The following COL17A1 variants were observed in gnomAD, a reference collection of about 807,000 sequenced individuals.
COL17A1 encodes collagen alpha-1(XVII) chain.
A neutral mutation model predicts 218.4 loss-of-function variants in COL17A1; 181 were observed. The observed-to-expected ratio is 0.83, with a 90% CI of 0.73 to 0.94. The LOEUF (loss-of-function observed/expected upper bound fraction) is 0.94, where lower values mean the gene tolerates loss of function less well. Ranked by LOEUF, COL17A1 falls within the 40% of genes least tolerant of loss-of-function variation. COL17A1 has a pLI of 0.00. For synonymous variants in COL17A1, 721 were observed against 731.0 expected, an observed-to-expected ratio of 0.99 and a Z score of 0.22; for missense variants, 1,924 against 1,945.9, an observed-to-expected ratio of 0.99 and a Z score of 0.21.
intron 48 of COL17A1, among the ~76,000 whole-genome samples, chr10:104,036,089 AGTGTGT>A (rs371776835): frequency 2.0e-3 from 3 of 1,514 alleles, no homozygotes; most frequent in African/African-American, 2.6e-3. Context: ...TGTGTATGGG[AGTGTGT>A]GTGTATGGGA....
intron 6 of COL17A1, 73 bp downstream of exon 6, chr10:104,074,111 C>T (rs1313361434): frequency 6.2e-7 from 1 of 1,611,026 alleles, no homozygotes; most frequent in Non-Finnish European, 8.5e-7. Flanking sequence ...CTACTCCCAC[C>T]ACTTCATCTC....
At chr10:104,071,531 A>G (rs1408891487) in intron 8 of COL17A1, among the ~76,000 whole-genome samples, 1 of 152,198 alleles carries the variant, frequency 6.6e-6, no homozygotes, top group Non-Finnish European at 1.5e-5. Flanking sequence ...GACATTTGAA[A>G]TAAAGTTCAA....
chr10:104,047,848 T>G (rs2086427923), intron 30 of COL17A1, 38 bp from the exon 31 acceptor site: 1 of 1,566,192 alleles, frequency 6.4e-7, no homozygotes, highest in Non-Finnish European at 8.8e-7. Flanking sequence ...TGTTTACATT[T>G]AGGAAAGCTA....
intron 50 of COL17A1, among the ~76,000 whole-genome samples, chr10:104,035,012 T>C (rs568437415): frequency 6.6e-6 from 1 of 152,268 alleles, no homozygotes; most frequent in Non-Finnish European, 1.5e-5. Context: ...AGCCCTCCAG[T>C]CACTGAGAGG....
chr10:104,067,756 A>C (rs1308915971), intron 9 of COL17A1, among the ~76,000 whole-genome samples: 1 of 152,204 alleles, frequency 6.6e-6, no homozygotes, highest in Non-Finnish European at 1.5e-5. Flanking sequence ...TAAGCTGTTA[A>C]CATGGCGAGT....
At chr10:104,047,654 C>T in intron 31 of COL17A1, 85 bp downstream of exon 31, 1 of 1,115,108 alleles carries the variant, frequency 9.0e-7, no homozygotes, top group Non-Finnish European at 1.4e-6. Context: ...CCTGCACATG[C>T]ACACGCACAC....
intron 4 of COL17A1, 35 bp downstream of exon 4, chr10:104,077,387 T>C (rs1589578446): frequency 1.3e-6 from 2 of 1,545,704 alleles, no homozygotes; most frequent in African/African-American, 2.7e-5. Flanking sequence ...TTGTCACCCA[T>C]TCTTCCCTGA....
rs780918721 is a variant in COL17A1 at position 104,059,578 on chromosome 10, AATGAAATGAAATGTGG to A, written c.1222+44_1222+59del. The A allele has an allele frequency of 5.5e-5, 82 of 1,489,112 alleles. No homozygotes were observed. In the African/African-American group the frequency reaches 1.1e-3, roughly 19 times the overall value. 92.2% of individuals were successfully genotyped at this position (1,489,112 alleles called of 1,614,324 possible). ...TTTGAGTAGCAAGGTCTCCGAAGAC[AATGAAATGAAATGTGG>A]CCTGGCTGAAGTCAAGGTGGACAAC... On this transcript the variant is annotated intron_variant, in intron 15 of 55. Coordinates refer to ENST00000648076, the MANE Select transcript of COL17A1 (RefSeq NM_000494.4).
At chr10:104,061,224 C>A (rs553400270) in intron 13 of COL17A1, among the ~76,000 whole-genome samples, 181 bp downstream of exon 13, 6 of 152,298 alleles carry the variant, frequency 3.9e-5, no homozygotes, top group African/African-American at 1.4e-4. Context: ...CCTTTATTCA[C>A]TCATGGAAAC....
intron 6 of COL17A1, chr10:104,073,835 C>T (rs910577741): frequency 2.7e-5 from 9 of 327,842 alleles, no homozygotes; most frequent in African/African-American, 6.4e-5. Flanking sequence ...GTGTTCTACT[C>T]GCTGCTCTGC....
Position 104,047,629 on chromosome 10 carries a change from CCCA to C in COL17A1, c.2335+107_2335+109del, listed in dbSNP as rs2086425467. ...AACCATGCACATATACACCCCTTCCCCCACAACCTGCACACCTGCACATGCACA... is the reference window on the plus strand; with the variant it reads ...AACCATGCACATATACACCCCTTCCCCAACCTGCACACCTGCACATGCACA... On this transcript the variant is annotated intron_variant, in intron 31 of 55. Transcript: ENST00000648076. 5.5e-6 allele frequency: 5 copies of C among 908,574 alleles called. 1 individual carries two copies. In the Admixed American group the frequency reaches 7.7e-5, roughly 14 times the overall value. The allele number at this position is 908,574 out of a possible 1,614,324, so 56.3% of individuals were successfully genotyped here.
intron 2 of COL17A1, among the ~76,000 whole-genome samples, chr10:104,080,340 G>A (rs1174196755): frequency 1.3e-5 from 2 of 152,170 alleles, no homozygotes; most frequent in African/African-American, 4.8e-5. Context: ...AATAAACTAT[G>A]GTGAATTCAT....
chr10:104,052,740 C>T (rs915515218), intron 23 of COL17A1, among the ~76,000 whole-genome samples: 2 of 152,176 alleles, frequency 1.3e-5, no homozygotes, highest in African/African-American at 4.8e-5. Context: ...CCCACCTCGG[C>T]CTGACTCCTC....
rs905969782 is a variant in COL17A1 at position 104,034,779 on chromosome 10, G to A, written c.3620-12C>T. Reference sequence around the variant, plus strand: ...TGACAAGCCGGCAGCTGGGCAGAAGGAAGAGAAAGAAAGGTCGGGGTAGTG... The same window carrying A: ...TGACAAGCCGGCAGCTGGGCAGAAGAAAGAGAAAGAAAGGTCGGGGTAGTG... On this transcript the variant is annotated splice_polypyrimidine_tract_variant and intron_variant, in intron 50 of 55. Coordinates refer to ENST00000648076, the MANE Select transcript of COL17A1 (RefSeq NM_000494.4). 1 of 1,611,152 alleles carries A rather than the reference G, an allele frequency of 6.2e-7. No individual in the cohort carries two copies.
chr10:104,048,088 G>A lies in COL17A1; in HGVS notation c.2244C>T (p.Asp748=), dbSNP rs143170871. ...ACCAACCTCTTGGGCCTTGGTGTCCGTCTGGGCCAGCAGGACCTGGTAAAG... is the reference window on the plus strand; with the variant it reads ...ACCAACCTCTTGGGCCTTGGTGTCCATCTGGGCCAGCAGGACCTGGTAAAG... ...AKGAMGPAGP[D]GHQGPRGEQG... Residue 748 remains aspartate, a synonymous_variant, in exon 30 of 56, where the codon GAC becomes GAT. Transcript: ENST00000648076. 7.7e-5 allele frequency: 125 copies of A among 1,614,204 alleles called. No homozygotes were observed. The highest frequency in any genetic ancestry group is 2.4e-4 in the South Asian group (22 of 91,082).
At chr10:104,073,273 G>A (rs1316952048) in intron 6 of COL17A1, 28 bp from the exon 7 acceptor site, 3 of 1,608,890 alleles carry the variant, frequency 1.9e-6, no homozygotes, top group Admixed American at 3.3e-5. Flanking sequence ...GCATTTTTAG[G>A]CATATATAAG....
chr10:104,032,603 C>T (rs527362814), intron 55 of COL17A1, 71 bp downstream of exon 55: 18 of 1,483,438 alleles, frequency 1.2e-5, no homozygotes, highest in Non-Finnish European at 1.5e-5. Flanking sequence ...GAACAAATCA[C>T]CTGCTTCTCT....
At chr10:104,065,829 G>A (rs775985520) in intron 9 of COL17A1, among the ~76,000 whole-genome samples, 5 of 152,204 alleles carry the variant, frequency 3.3e-5, no homozygotes, top group Non-Finnish European at 7.3e-5. Context: ...CTGCCAAGGC[G>A]TGGTTGAATC....
At position 104,074,213 on chromosome 10, in the gene COL17A1, G is replaced by C; in HGVS notation, c.350C>G (p.Ser117Cys). Reference protein sequence around the residue: ...HAYEGSSSGNSSPEYPRKEFA... With the variant: ...HAYEGSSSGNCSPEYPRKEFA... ...TTCCTTCCGAGGGTACTCCGGAGAA[G>C]AGTTGCCACTGGAGCTCCCTGGAGA... The change falls in exon 6 of 56, where the codon TCT becomes TGT. Residue 117 changes from serine (S) to cysteine (C), a missense_variant. Physicochemically the swap from Ser to Cys is moderately radical, Grantham distance 112 (BLOSUM62 -1). Transcript: ENST00000648076. The C allele has an allele frequency of 6.2e-7, 1 of 1,614,222 alleles. No homozygotes were observed. Among genetic ancestry groups the C allele is most frequent in the South Asian group, 1.1e-5 (1 of 91,088 alleles).
Sources: gnomAD v4.1 joint callset for allele counts (sites outside exome capture counted in the v4.1 genomes callset) on GRCh38, gnomAD v4.1.1 for gene constraint, MANE v1.5 for transcripts, NCBI Gene and HGNC (gene_info 2026-07-23, HGNC 2026-07-21) for gene names.